The following ASAP1 variants were observed in gnomAD, a reference collection of about 807,000 sequenced individuals.
ASAP1 encodes the protein ArfGAP with SH3 domain, ankyrin repeat and PH domain 1.
Under a neutral mutation model 145.2 loss-of-function variants are expected in ASAP1, and 43 were observed. That is an observed-to-expected ratio of 0.30 (90% CI 0.23 to 0.38). The LOEUF is 0.38. Among genes scored for constraint, ASAP1 ranks in the 10% least tolerant of loss-of-function variants. The pLI is 1.00. For synonymous variants in ASAP1, 546 were observed against 515.5 expected (o/e 1.06, Z -0.80); for missense variants, 1,018 against 1,355.3 (o/e 0.75, Z 3.91).
intron 2 of ASAP1, among the ~76,000 whole-genome samples, chr8:130,387,343 C>A (rs1828065403): frequency 6.6e-6 from 1 of 152,102 alleles, no homozygotes; most frequent in Non-Finnish European, 1.5e-5. Flanking sequence ...TGAGACCAGG[C>A]TGGGTAACAT....
chr8:130,256,540 T>G (rs1342307689), intron 3 of ASAP1, among the ~76,000 whole-genome samples: 1 of 151,912 alleles, frequency 6.6e-6, no homozygotes, highest in East Asian at 1.9e-4. Flanking sequence ...ACTTATTAGG[T>G]GGCTAGATAC....
chr8:130,286,732 C>T (rs1334762314), intron 3 of ASAP1, among the ~76,000 whole-genome samples: 1 of 152,204 alleles, frequency 6.6e-6, no homozygotes, highest in Non-Finnish European at 1.5e-5. Flanking sequence ...TCAAGATTCA[C>T]AGCATCCGAC....
chr8:130,261,667 G>A (rs1819907035), intron 3 of ASAP1, among the ~76,000 whole-genome samples: 1 of 152,150 alleles, frequency 6.6e-6, no homozygotes. Flanking sequence ...GTACCCTGAG[G>A]CAATCATATA....
intron 4 of ASAP1, among the ~76,000 whole-genome samples, chr8:130,225,531 T>C (rs1187156672): frequency 2.0e-5 from 3 of 152,232 alleles, no homozygotes; most frequent in Admixed American, 2.0e-4. Context: ...CTAACTTTTT[T>C]TTCTTTCTTC....
At chr8:130,282,970 T>C (rs1022937091) in intron 3 of ASAP1, among the ~76,000 whole-genome samples, 13 of 152,188 alleles carry the variant, frequency 8.5e-5, no homozygotes, top group African/African-American at 2.9e-4. Context: ...CTTTTGCCAA[T>C]TGGGAAAGGG....
chr8:130,253,766 A>C (rs1015229460), intron 3 of ASAP1, among the ~76,000 whole-genome samples: 1 of 152,226 alleles, frequency 6.6e-6, no homozygotes, highest in Admixed American at 6.5e-5. Context: ...ACTGCTATTA[A>C]GGAAGTTAAG....
intron 3 of ASAP1, among the ~76,000 whole-genome samples, chr8:130,288,624 A>T (rs574158334): frequency 6.6e-6 from 1 of 152,262 alleles, no homozygotes; most frequent in East Asian, 1.9e-4. Context: ...CCCAGAGACA[A>T]ATGTGAAGGA....
intron 2 of ASAP1, among the ~76,000 whole-genome samples, chr8:130,400,491 G>GA (rs71812723): frequency 0.33 from 48,176 of 145,240 alleles, 8,468 homozygotes; most frequent in African/African-American, 0.47. Flanking sequence ...CGTGGCATAG[G>GA]AAAAAAAAAA....
At chr8:130,443,145 C>A (rs1371481496) in intron 1 of ASAP1, among the ~76,000 whole-genome samples, 1 of 152,054 alleles carries the variant, frequency 6.6e-6, no homozygotes, top group Non-Finnish European at 1.5e-5. Context: ...GACGCGAAAC[C>A]CCCCAGGGCG....
At chr8:130,184,360 C>T (rs574138064) in intron 7 of ASAP1, among the ~76,000 whole-genome samples, 6 of 152,064 alleles carry the variant, frequency 3.9e-5, no homozygotes, top group African/African-American at 1.2e-4. Context: ...TACTGAGGAA[C>T]GTGTAGATAA....
chr8:130,070,870 A>G (rs1334683294), intron 27 of ASAP1, among the ~76,000 whole-genome samples: 2 of 20,636 alleles, frequency 9.7e-5, no homozygotes, highest in African/African-American at 3.0e-4. Flanking sequence ...AGAGAGGGAG[A>G]GAGAGGGAGA....
At chr8:130,416,626 C>T (rs1467153199) in intron 1 of ASAP1, among the ~76,000 whole-genome samples, 4 of 152,180 alleles carry the variant, frequency 2.6e-5, no homozygotes, top group South Asian at 2.1e-4. Context: ...CCCACCTTTC[C>T]GAACCCTATT....
At chr8:130,407,697 C>G (rs1168941725) in intron 1 of ASAP1, among the ~76,000 whole-genome samples, 1 of 152,222 alleles carries the variant, frequency 6.6e-6, no homozygotes, top group Non-Finnish European at 1.5e-5. Context: ...CTACGACTTA[C>G]AGTTTGTCAG....
At chr8:130,094,034 G>T (rs537248325) in intron 24 of ASAP1, among the ~76,000 whole-genome samples, 6 of 152,244 alleles carry the variant, frequency 3.9e-5, no homozygotes, top group Non-Finnish European at 8.8e-5. Context: ...ATGGAAGCCT[G>T]ATGCTTACCC....
chr8:130,150,837 G>A (rs1346724150), intron 13 of ASAP1, among the ~76,000 whole-genome samples: 1 of 152,152 alleles, frequency 6.6e-6, no homozygotes, highest in East Asian at 1.9e-4. Context: ...CCGAGATCGT[G>A]CTACTGCATT....
In ASAP1 at chr8:130,435,335, C is replaced by G. The variant is rs528636409; in HGVS notation, c.-28+8125G>C. 2.2e-4 allele frequency among the ~76,000 whole-genome samples: 34 copies of G among 152,356 alleles called. No homozygotes were observed. The South Asian group carries it at 6.0e-3, about 27-fold the overall frequency. On this transcript the variant is annotated intron_variant, in intron 1 of 29. Coordinates refer to ENST00000518721, the MANE Select transcript of ASAP1 (RefSeq NM_018482.4). ...AGCATGCGTATTCTTCAAGCACATG[C>G]ATTTTCTTTCTTTCTTCTGAAATGT...
chr8:130,071,011 G>GGGGAGAGA (rs2097444917), intron 27 of ASAP1, among the ~76,000 whole-genome samples: 2 of 11,436 alleles, frequency 1.7e-4, no homozygotes, highest in African/African-American at 9.0e-4. Context: ...GGGGAGGGGG[G>GGGGAGAGA]GAGAGAGAGA....
Position 130,342,535 on chromosome 8 carries a change from C to T in ASAP1, c.186+15482G>A, listed in dbSNP as rs978808602. The stretch of plus-strand genomic sequence containing the variant: ...ATTTGGCCCCCTAGGGAAGCAGAGG[C>T]CCAATATACCCAGAAGCAATTTCCA... On this transcript the variant is annotated intron_variant, in intron 3 of 29. Transcript: ENST00000518721. 4.6e-5 allele frequency among the ~76,000 whole-genome samples: 7 copies of T among 152,058 alleles called. No individual in the cohort carries two copies. In the South Asian group the frequency reaches 1.2e-3, roughly 27 times the overall value.
intron 24 of ASAP1, among the ~76,000 whole-genome samples, chr8:130,096,980 G>A (rs1305320519): frequency 6.6e-6 from 1 of 151,678 alleles, no homozygotes; most frequent in Non-Finnish European, 1.5e-5. Context: ...TACAAAATTA[G>A]CTGGGCATGG....
Sources: gnomAD v4.1 joint callset for allele counts (sites outside exome capture counted in the v4.1 genomes callset) on GRCh38, gnomAD v4.1.1 for gene constraint, MANE v1.5 for transcripts, NCBI Gene and HGNC (gene_info 2026-07-23, HGNC 2026-07-21) for gene names.